CKAP2L: variants seen among roughly 807,000 people sequenced by gnomAD.
CKAP2L encodes cytoskeleton-associated protein 2-like.
Under a neutral mutation model 65.7 loss-of-function variants are expected in CKAP2L, and 42 were observed. The ratio of observed to expected loss-of-function variants is 0.64; its 90% CI spans 0.50 to 0.83. CKAP2L has a LOEUF of 0.83. Ranked by LOEUF, CKAP2L falls within the 40% of genes least tolerant of loss-of-function variation. The pLI is 0.00. For missense variants in CKAP2L, 908 were observed against 871.0 expected (o/e 1.04, Z -0.53); for synonymous variants, 325 against 313.5 (o/e 1.04, Z -0.39).
chr2:112,737,751 T>A lies in CKAP2L; in HGVS notation c.*1072A>T, dbSNP rs752843845. ...ACCTTTGATCAAAGTCCATTCTCCT[T>A]GGTAATGAATGCTCCTTGTTTCTTA... On this transcript the variant is annotated 3_prime_UTR_variant, in exon 9 of 9. Coordinates refer to ENST00000302450, the MANE Select transcript of CKAP2L (RefSeq NM_152515.5). The A allele has an allele frequency of 2.0e-5, 3 of 152,148 alleles. No individual in the cohort carries two copies. The highest frequency in any genetic ancestry group is 4.4e-5 in the Non-Finnish European group (3 of 68,022). 9.4% of individuals were successfully genotyped at this position (152,148 alleles called of 1,614,324 possible).
intron 7 of CKAP2L, chr2:112,742,359 G>T: frequency 9.8e-6 from 7 of 716,814 alleles, no homozygotes; most frequent in Non-Finnish European, 1.6e-5. Context: ...GTATGTTGGT[G>T]GGTTTATTAT....
chr2:112,744,357 T>A (rs1051046802), intron 6 of CKAP2L, among the ~76,000 whole-genome samples: 2 of 152,134 alleles, frequency 1.3e-5, no homozygotes, highest in Non-Finnish European at 2.9e-5. Flanking sequence ...AAGCTGGCAG[T>A]GTGGCTAAGA....
chr2:112,746,478 C>T lies in CKAP2L; in HGVS notation c.1700G>A (p.Ser567Asn), dbSNP rs773949009. The T allele has an allele frequency of 3.7e-6, 6 of 1,613,354 alleles. No individual in the cohort carries two copies. The South Asian group carries it at 5.5e-5, about 15-fold the overall frequency. Residue 567 changes from serine to asparagine, a missense_variant, in exon 6 of 9, where the codon AGT becomes AAT. Coordinates refer to ENST00000302450, the MANE Select transcript of CKAP2L (RefSeq NM_152515.5). ...FWICKAKLLASKGTFDVIGLY... is the reference protein window; with the variant it reads ...FWICKAKLLANKGTFDVIGLY... ...CCCAATAACATCAAAGGTGCCTTTA[C>T]TTGCCAACAACTTTGCTTTGCAGAT...
intron 6 of CKAP2L, among the ~76,000 whole-genome samples, chr2:112,743,941 T>C (rs2104864268): frequency 6.6e-6 from 1 of 152,342 alleles, no homozygotes; most frequent in East Asian, 1.9e-4. Flanking sequence ...AAATTATAGT[T>C]GGAGGTTTGT....
chr2:112,739,795 C>A (rs565130672), intron 8 of CKAP2L, among the ~76,000 whole-genome samples: 1 of 152,238 alleles, frequency 6.6e-6, no homozygotes, highest in East Asian at 1.9e-4. Flanking sequence ...GGTGGGAGCA[C>A]AAACGTATGC....
At position 112,737,344 on chromosome 2, in the gene CKAP2L, A is replaced by G. The variant is rs1679351178; in HGVS notation, c.*1479T>C. 1 of 152,174 alleles carries G rather than the reference A, an allele frequency of 6.6e-6. No homozygotes were observed. The highest frequency in any genetic ancestry group is 2.1e-4 in the South Asian group (1 of 4,834). The allele number at this position is 152,174 out of a possible 1,614,324, so 9.4% of individuals were successfully genotyped here. A position where few individuals can be genotyped will look rare whatever the true frequency, so the allele number is the denominator to read the frequency against. On this transcript the variant is annotated 3_prime_UTR_variant, in exon 9 of 9. Transcript: ENST00000302450. ...GGCTGCCCCAGTCTACACGCCCACA[A>G]ACAGTGTACTAGGGTTCTCTTTTCT...
chr2:112,742,764 T>C lies in CKAP2L; in HGVS notation c.1764A>G (p.Ile588Met). 1 of 1,607,798 alleles carries C rather than the reference T, an allele frequency of 6.2e-7. No individual in the cohort carries two copies. The highest frequency in any genetic ancestry group is 1.1e-5 in the South Asian group (1 of 89,548). Residue 588 changes from isoleucine (I) to methionine (M), a missense_variant, in exon 7 of 9, where the codon ATA becomes ATG. Physicochemically the swap from Ile to Met is conservative, Grantham distance 10. Coordinates refer to ENST00000302450, the MANE Select transcript of CKAP2L (RefSeq NM_152515.5). ...TAAGAACAACTTTCCGCAACTCTTGTATTGGCTGGAAGGAAGGAAGAAAAC... is the reference window on the plus strand; with the variant it reads ...TAAGAACAACTTTCCGCAACTCTTGCATTGGCTGGAAGGAAGGAAGAAAAC... ...EEAIKNGATP[I>M]QELRKVVLNI...
intron 6 of CKAP2L, among the ~76,000 whole-genome samples, chr2:112,746,105 C>T (rs1026308306): frequency 6.6e-6 from 1 of 152,068 alleles, no homozygotes; most frequent in Admixed American, 6.5e-5. Context: ...GAATACAGAA[C>T]ATGACATGGA....
intron 1 of CKAP2L, chr2:112,764,162 G>A: frequency 4.1e-6 from 1 of 244,102 alleles, no homozygotes; most frequent in Non-Finnish European, 8.2e-6. Flanking sequence ...GCTTCGGCCA[G>A]ACCCCGCCTC....
rs138012691 is a variant in CKAP2L at position 112,751,655 on chromosome 2, A to G, written c.1602+612T>C. Among the ~76,000 whole-genome samples the G allele has an allele frequency of 3.2e-3, 480 of 152,088 alleles. 6 individuals carry two copies. The highest frequency in any genetic ancestry group is 0.011 in the African/African-American group (461 of 41,502). On this transcript the variant is annotated intron_variant, in intron 5 of 8. Coordinates refer to ENST00000302450, the MANE Select transcript of CKAP2L (RefSeq NM_152515.5). ...ACTGAACTTTTCCTTTTTTTTGCTG[A>G]TGTTCAACATTACCAGCCAAAGGAC...
At chr2:112,762,705 T>G in intron 1 of CKAP2L, 136 bp from the exon 2 acceptor site, 1 of 656,392 alleles carries the variant, frequency 1.5e-6, no homozygotes, top group Non-Finnish European at 2.7e-6. Flanking sequence ...CCTAGTCCTA[T>G]AAATGTGCCT....
At chr2:112,755,493 T>C (rs1477893818) in intron 4 of CKAP2L, among the ~76,000 whole-genome samples, 3 of 152,108 alleles carry the variant, frequency 2.0e-5, no homozygotes, top group African/African-American at 7.2e-5. Flanking sequence ...CTGCTCCTGC[T>C]TGAGCTTACT....
chr2:112,752,262 C>T lies in CKAP2L; in HGVS notation c.1602+5G>A. The stretch of plus-strand genomic sequence containing the variant: ...AAGCTGGAGGAGCTTATCTTCTTCA[C>T]TTACCCCTTCGATGAGGTTCAGACA... On this transcript the variant is annotated splice_donor_5th_base_variant and intron_variant, in intron 5 of 8. Transcript: ENST00000302450. The T allele has an allele frequency of 6.2e-7, 1 of 1,607,762 alleles. No individual in the cohort carries two copies. The highest frequency in any genetic ancestry group is 8.5e-7 in the Non-Finnish European group (1 of 1,176,478).
At chr2:112,757,814 A>C (rs1680591740) in intron 3 of CKAP2L, among the ~76,000 whole-genome samples, 1 of 152,226 alleles carries the variant, frequency 6.6e-6, no homozygotes, top group African/African-American at 2.4e-5. Context: ...ATTTGCCTCA[A>C]ACAGTAGTTG....
intron 7 of CKAP2L, among the ~76,000 whole-genome samples, chr2:112,741,766 CTCTT>C (rs1455403873): frequency 6.6e-6 from 1 of 151,900 alleles, no homozygotes; most frequent in Non-Finnish European, 1.5e-5. Context: ...GTTAAATCTA[CTCTT>C]TTTTTTTGAG....
At chr2:112,763,033 GC>G (rs1393447669) in intron 1 of CKAP2L, among the ~76,000 whole-genome samples, 1 of 152,150 alleles carries the variant, frequency 6.6e-6, no homozygotes, top group East Asian at 1.9e-4. Flanking sequence ...TGACCCTCCT[GC>G]TTTGGCCTCC....
At chr2:112,759,385 A>T (rs1680640987) in intron 3 of CKAP2L, among the ~76,000 whole-genome samples, 1 of 152,236 alleles carries the variant, frequency 6.6e-6, no homozygotes, top group Non-Finnish European at 1.5e-5. Context: ...GTCAAGCATT[A>T]TATAACTGTA....
At chr2:112,751,869 TC>T (rs771120744) in intron 5 of CKAP2L, among the ~76,000 whole-genome samples, 17 of 152,340 alleles carry the variant, frequency 1.1e-4, no homozygotes, top group Non-Finnish European at 1.8e-4. Flanking sequence ...TTCAGAATAC[TC>T]CAACTTTACA....
At chr2:112,752,659 G>C (rs1680409867) in intron 4 of CKAP2L, among the ~76,000 whole-genome samples, 185 bp from the exon 5 acceptor site, 1 of 152,128 alleles carries the variant, frequency 6.6e-6, no homozygotes, top group South Asian at 2.1e-4. Context: ...CCACCCACGA[G>C]AAGGCAGACA....
Sources: allele counts gnomAD v4.1 joint callset (sites outside exome capture counted in the v4.1 genomes callset), GRCh38; gene constraint gnomAD v4.1.1; transcripts MANE v1.5; gene names NCBI Gene and HGNC (gene_info 2026-07-23, HGNC 2026-07-21).